The following CCSER2 variants were observed in gnomAD, a reference collection of about 807,000 sequenced individuals.
CCSER2 encodes the protein serine-rich coiled-coil domain-containing protein 2.
CCSER2 carries 46 observed loss-of-function variants against 92.3 expected under a neutral mutation model. That is an observed-to-expected ratio of 0.50 (90% CI 0.39 to 0.64). CCSER2 has a LOEUF of 0.64. Ranked by LOEUF, CCSER2 falls within the 30% of genes least tolerant of loss-of-function variation. The pLI is 0.00. For synonymous variants in CCSER2, 433 were observed against 431.4 expected (o/e 1.00, Z -0.04); for missense variants, 1,244 against 1,238.9 (o/e 1.00, Z -0.06).
chr10:84,381,756 C>T (rs1589497393), intron 3 of CCSER2, among the ~76,000 whole-genome samples: 1 of 151,812 alleles, frequency 6.6e-6, no homozygotes, highest in African/African-American at 2.4e-5. Flanking sequence ...AGTGAAATCC[C>T]GTCTCTACTA....
At chr10:84,452,077 C>T (rs187700478) in intron 6 of CCSER2, 3 of 152,336 alleles carry the variant, frequency 2.0e-5, no homozygotes, top group East Asian at 3.9e-4. Context: ...GAAAATGTCT[C>T]TGTCCTCTTC....
At chr10:84,411,668 G>C (rs1202230830) in intron 3 of CCSER2, among the ~76,000 whole-genome samples, 1 of 152,196 alleles carries the variant, frequency 6.6e-6, no homozygotes, top group Non-Finnish European at 1.5e-5. Context: ...TGTATCCTGA[G>C]ACTTTGCTGA....
At chr10:84,492,562 A>C (rs1006283630) in intron 9 of CCSER2, among the ~76,000 whole-genome samples, 1 of 152,210 alleles carries the variant, frequency 6.6e-6, no homozygotes, top group Non-Finnish European at 1.5e-5. Flanking sequence ...AAGGGGAAAA[A>C]GCATTCAGTC....
At chr10:84,367,911 A>G (rs375869564) in intron 1 of CCSER2, among the ~76,000 whole-genome samples, 2 of 151,990 alleles carry the variant, frequency 1.3e-5, no homozygotes, top group Admixed American at 6.6e-5. Context: ...CTCAGGCTTA[A>G]TTTGGATACC....
At chr10:84,357,434 A>G (rs1169449393) in intron 1 of CCSER2, among the ~76,000 whole-genome samples, 2 of 145,298 alleles carry the variant, frequency 1.4e-5, no homozygotes, top group Non-Finnish European at 3.0e-5. Flanking sequence ...TTTTTATGAC[A>G]TTTATTATAT....
At chr10:84,445,750 T>G (rs572949066) in intron 6 of CCSER2, among the ~76,000 whole-genome samples, 1 of 152,350 alleles carries the variant, frequency 6.6e-6, no homozygotes, top group African/African-American at 2.4e-5. Flanking sequence ...CTTCTTTTGC[T>G]TAATATTATA....
chr10:84,403,948 T>C (rs372951847), intron 3 of CCSER2, among the ~76,000 whole-genome samples: 5 of 152,336 alleles, frequency 3.3e-5, no homozygotes, highest in African/African-American at 4.8e-5. Context: ...GTTCAGATTA[T>C]GGAAAATAAT....
At chr10:84,422,891 T>A (rs1843221516) in intron 4 of CCSER2, among the ~76,000 whole-genome samples, 1 of 152,020 alleles carries the variant, frequency 6.6e-6, no homozygotes, top group Non-Finnish European at 1.5e-5. Context: ...CCTTCTCTAC[T>A]AAAAACAGAA....
At chr10:84,367,450 C>T (rs1291723827) in intron 1 of CCSER2, among the ~76,000 whole-genome samples, 5 of 151,562 alleles carry the variant, frequency 3.3e-5, no homozygotes, top group African/African-American at 1.2e-4. Context: ...GATCACGGCT[C>T]ACTGCAGCCT....
intron 3 of CCSER2, chr10:84,390,909 A>G: frequency 8.2e-6 from 6 of 733,422 alleles, no homozygotes; most frequent in South Asian, 6.9e-5. Context: ...TTTGCTGCCT[A>G]GAAGAGGAGG....
chr10:84,450,581 A>G (rs922195888), intron 6 of CCSER2, among the ~76,000 whole-genome samples: 10 of 152,218 alleles, frequency 6.6e-5, no homozygotes, highest in Non-Finnish European at 1.5e-4. Flanking sequence ...AGGCCAATAA[A>G]TCATAGAGCT....
At chr10:84,490,781 G>A (rs914105370) in intron 9 of CCSER2, among the ~76,000 whole-genome samples, 4 of 152,226 alleles carry the variant, frequency 2.6e-5, no homozygotes, top group South Asian at 2.1e-4. Context: ...CATTGCTGGC[G>A]AGGAGCTGCG....
At chr10:84,375,983 A>C (rs1312012806) in intron 3 of CCSER2, among the ~76,000 whole-genome samples, 1 of 151,960 alleles carries the variant, frequency 6.6e-6, no homozygotes, top group Non-Finnish European at 1.5e-5. Context: ...AGGTAAAGAT[A>C]AGGAGCTTTC....
intron 3 of CCSER2, among the ~76,000 whole-genome samples, chr10:84,394,093 A>G (rs1028147139): frequency 2.0e-5 from 3 of 152,222 alleles, no homozygotes; most frequent in African/African-American, 4.8e-5. Flanking sequence ...GTTTAAATGT[A>G]TGAAATGTAG....
intron 7 of CCSER2, among the ~76,000 whole-genome samples, chr10:84,469,203 A>G (rs939665382): frequency 9.2e-5 from 14 of 152,170 alleles, no homozygotes; most frequent in African/African-American, 3.4e-4. Context: ...TTTCTTTTGA[A>G]TAGCTATATT....
intron 5 of CCSER2, among the ~76,000 whole-genome samples, chr10:84,428,873 C>G (rs1057251015): frequency 6.6e-6 from 1 of 151,260 alleles, no homozygotes; most frequent in Non-Finnish European, 1.5e-5. Flanking sequence ...TTTTTTTCCG[C>G]TTTCATTCTA....
intron 9 of CCSER2, among the ~76,000 whole-genome samples, chr10:84,491,231 A>G (rs1848143864): frequency 6.6e-6 from 1 of 152,068 alleles, no homozygotes; most frequent in South Asian, 2.1e-4. Flanking sequence ...CAGATCTCAA[A>G]CCCCATGCTG....
intron 1 of CCSER2, among the ~76,000 whole-genome samples, chr10:84,365,801 C>T (rs1454192629): frequency 6.6e-6 from 1 of 152,056 alleles, no homozygotes; most frequent in African/African-American, 2.4e-5. Context: ...TTGTGACAGG[C>T]GGGGAAATGT....
intron 7 of CCSER2, among the ~76,000 whole-genome samples, chr10:84,465,272 T>C (rs1416950827): frequency 4.7e-5 from 4 of 84,516 alleles, no homozygotes; most frequent in African/African-American, 2.9e-4. Flanking sequence ...TGTGTGTGTG[T>C]GTGTGTGTGT....
Sources: allele counts gnomAD v4.1 joint callset (sites outside exome capture counted in the v4.1 genomes callset), GRCh38; gene constraint gnomAD v4.1.1; transcripts MANE v1.5; gene names NCBI Gene and HGNC (gene_info 2026-07-23, HGNC 2026-07-21).